The following FCHO2 variants were observed in gnomAD, a reference collection of about 807,000 sequenced individuals.
FCHO2 encodes the protein F-BAR domain only protein 2.
FCHO2 carries 43 observed loss-of-function variants against 114.1 expected under a neutral mutation model. That is an observed-to-expected ratio of 0.38 (90% CI 0.30 to 0.49). FCHO2 has a LOEUF of 0.49. FCHO2 is among the 20% of genes least tolerant of loss of function. FCHO2 has a pLI of 0.97. For missense variants in FCHO2, 807 were observed against 950.4 expected (o/e 0.85, Z 1.98); for synonymous variants, 293 against 315.2 (o/e 0.93, Z 0.75).
intron 8 of FCHO2, among the ~76,000 whole-genome samples, chr5:73,030,891 T>C (rs986976339): frequency 6.6e-6 from 1 of 152,174 alleles, no homozygotes; most frequent in South Asian, 2.1e-4. Flanking sequence ...TGAAGTGAAG[T>C]GTCATTGATG....
At chr5:72,956,820 C>T (rs1452254024) in intron 1 of FCHO2, among the ~76,000 whole-genome samples, 1 of 152,118 alleles carries the variant, frequency 6.6e-6, no homozygotes, top group African/African-American at 2.4e-5. Flanking sequence ...TCTTTCCACC[C>T]CTTGTCTTAG....
At chr5:73,057,609 A>G (rs1757655975) in intron 16 of FCHO2, among the ~76,000 whole-genome samples, 1 of 152,194 alleles carries the variant, frequency 6.6e-6, no homozygotes, top group Admixed American at 6.5e-5. Flanking sequence ...GCTTAAAAAA[A>G]TCACTTTACC....
At chr5:73,010,971 T>A (rs1024093074) in intron 6 of FCHO2, among the ~76,000 whole-genome samples, 1 of 151,834 alleles carries the variant, frequency 6.6e-6, no homozygotes, top group Non-Finnish European at 1.5e-5. Flanking sequence ...TATGGTTTAG[T>A]CTGTTGCTTG....
chr5:72,968,347 A>T (rs1370372010), intron 1 of FCHO2, 151 bp from the exon 2 acceptor site: 1 of 508,304 alleles, frequency 2.0e-6, no homozygotes, highest in Non-Finnish European at 3.5e-6. Flanking sequence ...ATATTGCTTT[A>T]TACTGTTTAA....
chr5:73,006,810 A>G (rs1205684981), intron 6 of FCHO2, among the ~76,000 whole-genome samples: 2 of 152,230 alleles, frequency 1.3e-5, no homozygotes, highest in Admixed American at 6.5e-5. Context: ...GCATTGGTAC[A>G]TGATGAAGAC....
chr5:73,083,996 AT>A (rs931955392), intron 24 of FCHO2, among the ~76,000 whole-genome samples: 2 of 151,810 alleles, frequency 1.3e-5, no homozygotes, highest in African/African-American at 2.4e-5. Flanking sequence ...GCAGCATTCA[AT>A]TTTCTGATGA....
At chr5:72,999,359 C>A (rs1235526148) in intron 5 of FCHO2, among the ~76,000 whole-genome samples, 1 of 144,246 alleles carries the variant, frequency 6.9e-6, no homozygotes, top group Admixed American at 7.0e-5. Context: ...TTGGTTATCT[C>A]ATTCACTCAT....
At chr5:72,983,075 G>A (rs995235537) in intron 2 of FCHO2, among the ~76,000 whole-genome samples, 24 of 151,754 alleles carry the variant, frequency 1.6e-4, no homozygotes, top group African/African-American at 5.6e-4. Context: ...CACCACACCC[G>A]GCTAATTTTT....
At chr5:72,959,225 G>T (rs1751719714) in intron 1 of FCHO2, among the ~76,000 whole-genome samples, 1 of 152,170 alleles carries the variant, frequency 6.6e-6, no homozygotes, top group Non-Finnish European at 1.5e-5. Context: ...TGTCATTTTA[G>T]GCTGGGCATG....
chr5:73,077,284 TTAAATAGAGA>T, intron 20 of FCHO2, 44 bp from the exon 21 acceptor site: 1 of 1,508,144 alleles, frequency 6.6e-7, no homozygotes, highest in African/African-American at 1.4e-5. Flanking sequence ...ACCAAATACT[TTAAATAGAGA>T]TTAGAGCATT....
At chr5:72,982,050 G>T (rs1331815011) in intron 2 of FCHO2, among the ~76,000 whole-genome samples, 1 of 152,148 alleles carries the variant, frequency 6.6e-6, no homozygotes, top group Non-Finnish European at 1.5e-5. Context: ...GTAGGCACCC[G>T]AGGGAATCTC....
chr5:72,971,150 G>A (rs1420474882), intron 2 of FCHO2, among the ~76,000 whole-genome samples: 34 of 152,104 alleles, frequency 2.2e-4, no homozygotes, highest in Admixed American at 1.4e-3. Flanking sequence ...GAATAATGCC[G>A]CAATAAACAT....
chr5:73,058,732 T>G (rs563399823), intron 17 of FCHO2, among the ~76,000 whole-genome samples: 172 of 152,218 alleles, frequency 1.1e-3, no homozygotes, highest in African/African-American at 4.0e-3. Context: ...TACTAAGTGG[T>G]TTTTTAAATT....
At chr5:73,008,917 G>A (rs556305424) in intron 6 of FCHO2, among the ~76,000 whole-genome samples, 10 of 152,166 alleles carry the variant, frequency 6.6e-5, no homozygotes, top group Admixed American at 4.6e-4. Context: ...TCCAAAACTC[G>A]CCTGGTCCCA....
At chr5:73,030,611 A>G (rs1017218038) in intron 8 of FCHO2, among the ~76,000 whole-genome samples, 2 of 152,350 alleles carry the variant, frequency 1.3e-5, no homozygotes, top group East Asian at 1.9e-4. Context: ...CACAGAGTCT[A>G]CTAGGGCTGT....
At chr5:73,030,082 C>T (rs1477231020) in intron 8 of FCHO2, among the ~76,000 whole-genome samples, 1 of 148,278 alleles carries the variant, frequency 6.7e-6, no homozygotes, top group Non-Finnish European at 1.5e-5. Context: ...TGCCCTGTCA[C>T]CCAAGCTGGA....
chr5:73,038,104 T>C (rs1219643036), intron 10 of FCHO2: 1 of 154,480 alleles, frequency 6.5e-6, no homozygotes, highest in Non-Finnish European at 1.4e-5. Context: ...ACAAAGAATA[T>C]GTAATAAACA....
chr5:73,088,590 A>G lies in FCHO2; in HGVS notation c.*500A>G, dbSNP rs1183921077. 1 of 157,594 alleles carries G rather than the reference A, an allele frequency of 6.3e-6. No individual in the cohort carries two copies. The highest frequency in any genetic ancestry group is 1.4e-5 in the Non-Finnish European group (1 of 70,942). 9.8% of individuals were successfully genotyped at this position (157,594 alleles called of 1,614,324 possible). ...ACTTAATCAAATTGAGCTATGTGCC[A>G]TAAGGTAATCAGACCAGAGTCCAAG... is the stretch of plus-strand genomic sequence containing the variant. On this transcript the variant is annotated 3_prime_UTR_variant, in exon 26 of 26. Coordinates refer to ENST00000430046, the MANE Select transcript of FCHO2 (RefSeq NM_138782.3).
chr5:73,034,762 T>A, intron 9 of FCHO2, 61 bp downstream of exon 9: 3 of 1,345,664 alleles, frequency 2.2e-6, no homozygotes, highest in Non-Finnish European at 3.1e-6. Flanking sequence ...CTTCTGTTCA[T>A]TGAACAAATA....
Sources: gnomAD v4.1 joint callset for allele counts (sites outside exome capture counted in the v4.1 genomes callset) on GRCh38, gnomAD v4.1.1 for gene constraint, MANE v1.5 for transcripts, NCBI Gene and HGNC (gene_info 2026-07-23, HGNC 2026-07-21) for gene names.